The following PPP3CC variants were observed in gnomAD, a reference collection of about 807,000 sequenced individuals.
The protein encoded by PPP3CC is serine/threonine-protein phosphatase 2B catalytic subunit gamma isoform.
In PPP3CC, 35 loss-of-function variants were observed where a neutral mutation model predicts 60.3. The observed-to-expected ratio is 0.58, with a 90% CI of 0.44 to 0.77. The LOEUF is 0.77. Among genes scored for constraint, PPP3CC ranks in the 30% least tolerant of loss-of-function variants. The probability of loss-of-function intolerance (pLI) is 0.00; values close to 1 mark genes in which losing one functional copy is unlikely to be tolerated. For synonymous variants in PPP3CC, 206 were observed against 224.3 expected, an observed-to-expected ratio of 0.92 and a Z score of 0.73; for missense variants, 570 against 628.9, an observed-to-expected ratio of 0.91 and a Z score of 1.00.
intron 3 of PPP3CC, among the ~76,000 whole-genome samples, chr8:22,481,418 A>C (rs1189585454): frequency 6.6e-6 from 1 of 150,702 alleles, no homozygotes; most frequent in Non-Finnish European, 1.5e-5. Flanking sequence ...AAGATTTCCA[A>C]AGTAATACAG....
intron 3 of PPP3CC, among the ~76,000 whole-genome samples, chr8:22,481,340 AAAAT>A (rs1165412595): frequency 9.0e-6 from 1 of 111,596 alleles, no homozygotes; most frequent in Non-Finnish European, 1.9e-5. Flanking sequence ...TGTCTCAAGA[AAAAT>A]AAATAATAAT....
At chr8:22,464,019 C>G (rs1837442909) in intron 1 of PPP3CC, among the ~76,000 whole-genome samples, 1 of 152,072 alleles carries the variant, frequency 6.6e-6, no homozygotes, top group African/African-American at 2.4e-5. Flanking sequence ...AACTCCTGAC[C>G]TCAGGTGATC....
chr8:22,521,560 G>A (rs1839405464), intron 6 of PPP3CC, among the ~76,000 whole-genome samples: 1 of 152,176 alleles, frequency 6.6e-6, no homozygotes, highest in Non-Finnish European at 1.5e-5. Flanking sequence ...GGCACTTATG[G>A]CCATGGATGG....
At chr8:22,461,788 A>T (rs1837368865) in intron 1 of PPP3CC, among the ~76,000 whole-genome samples, 1 of 152,248 alleles carries the variant, frequency 6.6e-6, no homozygotes, top group Non-Finnish European at 1.5e-5. Context: ...GGATAAAGGT[A>T]GTAGTCTGGG....
intron 1 of PPP3CC, among the ~76,000 whole-genome samples, chr8:22,463,947 C>T (rs751799434): frequency 3.9e-5 from 6 of 151,978 alleles, no homozygotes; most frequent in Non-Finnish European, 8.8e-5. Context: ...CCACCAAACC[C>T]CGCTAATTTT....
chr8:22,516,362 T>A (rs1382653181), intron 6 of PPP3CC, among the ~76,000 whole-genome samples: 1 of 152,228 alleles, frequency 6.6e-6, no homozygotes, highest in Non-Finnish European at 1.5e-5. Context: ...GTTGTCAGAA[T>A]AGAAATTGGT....
intron 6 of PPP3CC, among the ~76,000 whole-genome samples, chr8:22,515,250 C>T (rs897994496): frequency 2.0e-5 from 3 of 152,148 alleles, no homozygotes; most frequent in African/African-American, 7.2e-5. Flanking sequence ...TGGCTTATTT[C>T]AGTTAACATA....
chr8:22,494,220 G>A (rs1206892044), intron 3 of PPP3CC, among the ~76,000 whole-genome samples: 4 of 152,130 alleles, frequency 2.6e-5, no homozygotes, highest in African/African-American at 7.2e-5. Context: ...TAACAGATCC[G>A]CATGGCTGGG....
chr8:22,466,359 G>C (rs192849888), intron 1 of PPP3CC, among the ~76,000 whole-genome samples: 2 of 152,110 alleles, frequency 1.3e-5, no homozygotes, highest in Admixed American at 6.5e-5. Context: ...CCTAGTAATG[G>C]GATTGCTGGG....
intron 1 of PPP3CC, among the ~76,000 whole-genome samples, chr8:22,474,087 G>A (rs560531182): frequency 6.6e-5 from 10 of 151,718 alleles, no homozygotes; most frequent in Non-Finnish European, 1.5e-4. Flanking sequence ...TAGAGGTGGA[G>A]TTTTGCCATG....
intron 1 of PPP3CC, among the ~76,000 whole-genome samples, chr8:22,446,398 A>G (rs1290753130): frequency 1.3e-5 from 2 of 152,110 alleles, no homozygotes; most frequent in African/African-American, 2.4e-5. Context: ...AGTGAAAAAA[A>G]CAAGGGACTC....
At chr8:22,492,003 A>T (rs1273991324) in intron 3 of PPP3CC, among the ~76,000 whole-genome samples, 1 of 152,112 alleles carries the variant, frequency 6.6e-6, no homozygotes, top group Non-Finnish European at 1.5e-5. Context: ...GCATCGTTTA[A>T]TAAGGAGGGT....
chr8:22,471,280 CTT>C (rs557089522), intron 1 of PPP3CC, among the ~76,000 whole-genome samples: 22 of 128,612 alleles, frequency 1.7e-4, no homozygotes, highest in Non-Finnish European at 2.7e-4. Context: ...CTTGATCATT[CTT>C]TTTTTTTTTT....
At chr8:22,493,785 CT>C (rs1838479837) in intron 3 of PPP3CC, among the ~76,000 whole-genome samples, 1 of 152,118 alleles carries the variant, frequency 6.6e-6, no homozygotes, top group African/African-American at 2.4e-5. Flanking sequence ...GAGCCTTTTT[CT>C]TTTGTAAATA....
intron 4 of PPP3CC, among the ~76,000 whole-genome samples, chr8:22,499,928 A>G (rs1418455945): frequency 2.0e-5 from 3 of 152,172 alleles, no homozygotes; most frequent in East Asian, 3.8e-4. Flanking sequence ...TGCCACCAGA[A>G]TGTAAGCTCC....
intron 6 of PPP3CC, among the ~76,000 whole-genome samples, 179 bp downstream of exon 6, chr8:22,513,611 T>C (rs1187152683): frequency 6.6e-6 from 1 of 152,240 alleles, no homozygotes; most frequent in East Asian, 1.9e-4. Flanking sequence ...CTTAGGTATA[T>C]ATCCTAAGAA....
intron 3 of PPP3CC, among the ~76,000 whole-genome samples, chr8:22,495,902 A>G (rs1415343458): frequency 6.6e-6 from 1 of 151,936 alleles, no homozygotes; most frequent in Non-Finnish European, 1.5e-5. Context: ...CTTTTATTTT[A>G]TTGCCTCTGG....
intron 1 of PPP3CC, among the ~76,000 whole-genome samples, chr8:22,473,071 T>C (rs762820597): frequency 2.6e-5 from 4 of 152,180 alleles, no homozygotes; most frequent in Non-Finnish European, 1.5e-5. Context: ...ATGAGTCAAG[T>C]AGTAGCTGAA....
chr8:22,524,386 G>A (rs1466850316), intron 8 of PPP3CC, among the ~76,000 whole-genome samples: 1 of 152,134 alleles, frequency 6.6e-6, no homozygotes. Flanking sequence ...GTGTCCTCCA[G>A]TGACTTGTCT....
Sources: allele counts gnomAD v4.1 joint callset (sites outside exome capture counted in the v4.1 genomes callset), GRCh38; gene constraint gnomAD v4.1.1; transcripts MANE v1.5; gene names NCBI Gene and HGNC (gene_info 2026-07-23, HGNC 2026-07-21).